The following HOMEZ variants were observed in gnomAD, a reference collection of about 807,000 sequenced individuals.
HOMEZ encodes homeobox and leucine zipper encoding, also known as homeobox and leucine zipper protein Homez.
A neutral mutation model predicts 50.1 loss-of-function variants in HOMEZ; 20 were observed. The ratio of observed to expected loss-of-function variants is 0.40; its 90% CI spans 0.28 to 0.58. The LOEUF (loss-of-function observed/expected upper bound fraction) is 0.58, where lower values mean the gene tolerates loss of function less well. Ranked by LOEUF, HOMEZ falls within the 20% of genes least tolerant of loss-of-function variation. The pLI is 0.46. For synonymous variants in HOMEZ, 239 were observed against 254.7 expected, an observed-to-expected ratio of 0.94 and a Z score of 0.59; for missense variants, 579 against 680.5, an observed-to-expected ratio of 0.85 and a Z score of 1.66.
chr14:23,280,740 A>ATTATT (rs1277086572), intron 1 of HOMEZ, among the ~76,000 whole-genome samples: 4,327 of 41,232 alleles, frequency 0.1, 773 homozygotes, highest in Non-Finnish European at 0.16. Context: ...ATTTTATTTT[A>ATTATT]TTATTTTATT....
Position 23,286,002 on chromosome 14 carries a change from G to A in HOMEZ, c.-50C>T. The A allele has an allele frequency of 8.1e-7, 1 of 1,234,816 alleles. No individual in the cohort carries two copies. 76.5% of individuals were successfully genotyped at this position (1,234,816 alleles called of 1,614,324 possible). On this transcript the variant is annotated 5_prime_UTR_variant, in exon 1 of 2. Transcript: ENST00000357460. ...GGCAGGGGGCCTCCGAGTGGGAGTG[G>A]GGTTGCTGCCCGGTGCGGCCGCTCC...
In HOMEZ at chr14:23,272,801, AC is replaced by A. The variant is rs1408542133; in HGVS notation, c.*2773del. 1.3e-6 allele frequency: 2 copies of A among 1,524,704 alleles called. No homozygotes were observed. The highest frequency in any genetic ancestry group is 2.8e-5 in the African/African-American group (2 of 72,492). The allele number at this position is 1,524,704 out of a possible 1,614,324, so 94.4% of individuals were successfully genotyped here. A position where few individuals can be genotyped will look rare whatever the true frequency, so the allele number is the denominator to read the frequency against. ...TTTGCTGTTATAAACACCCACATCT[AC>A]CTTCTTGTCCTCTGCTGCAGACTCT... On this transcript the variant is annotated 3_prime_UTR_variant, in exon 2 of 2. Transcript: ENST00000357460.
At chr14:23,279,101 A>G (rs1471193386) in intron 1 of HOMEZ, among the ~76,000 whole-genome samples, 1 of 152,122 alleles carries the variant, frequency 6.6e-6, no homozygotes, top group Non-Finnish European at 1.5e-5. Flanking sequence ...CTCCTGCCTC[A>G]GCCTCCTGAG....
At chr14:23,280,748 ATTTTATT>A (rs1886521609) in intron 1 of HOMEZ, among the ~76,000 whole-genome samples, 1 of 87,120 alleles carries the variant, frequency 1.1e-5, no homozygotes, top group East Asian at 3.3e-4. Flanking sequence ...TTATTATTTT[ATTTTATT>A]TTATTTTATT....
chr14:23,276,937 C>T lies in HOMEZ; in HGVS notation c.291G>A (p.Glu97=), dbSNP rs1453197906. Residue 97 remains glutamate (E), a synonymous_variant, in exon 2 of 2, where the codon GAG becomes GAA. Coordinates refer to ENST00000357460, the MANE Select transcript of HOMEZ (RefSeq NM_020834.3). This position sits in a 1 kb window ranked among gnomAD's most constrained non-coding sequence, Gnocchi z 4.1. ...LLCLRYGLQM[E]KVKTWFMAQR... is the part of the protein sequence containing the mutation. ...GGGCCATAAACCAAGTCTTGACTTT[C>T]TCCATCTGCAACCCATAACGTAGGC... 1.9e-6 allele frequency: 3 copies of T among 1,613,968 alleles called. No individual in the cohort carries two copies. The South Asian group carries it at 3.3e-5, about 18-fold the overall frequency.
Position 23,286,023 on chromosome 14 carries a change from G to T in HOMEZ, c.-71C>A. Reference sequence around the variant, plus strand: ...AGTGGGGTTGCTGCCCGGTGCGGCCGCTCCGAGCCCACCCCAGCGATGGCC... The same window carrying T: ...AGTGGGGTTGCTGCCCGGTGCGGCCTCTCCGAGCCCACCCCAGCGATGGCC... On this transcript the variant is annotated 5_prime_UTR_variant, in exon 1 of 2. Coordinates refer to ENST00000357460, the MANE Select transcript of HOMEZ (RefSeq NM_020834.3). 2 of 1,232,968 alleles carry T rather than the reference G, an allele frequency of 1.6e-6. No individual in the cohort carries two copies. Among genetic ancestry groups the T allele is most frequent in the Non-Finnish European group, 2.0e-6 (2 of 987,112 alleles). 76.4% of individuals were successfully genotyped at this position (1,232,968 alleles called of 1,614,324 possible).
rs1886307745 is a variant in HOMEZ at position 23,274,948 on chromosome 14, T to C, written c.*627A>G. ...CTGAAAAATTCTGCCACCTGTGATTTAGTCATGAAGCGGGTGAAACATAGT... is the reference window on the plus strand; with the variant it reads ...CTGAAAAATTCTGCCACCTGTGATTCAGTCATGAAGCGGGTGAAACATAGT... On this transcript the variant is annotated 3_prime_UTR_variant, in exon 2 of 2. Coordinates refer to ENST00000357460, the MANE Select transcript of HOMEZ (RefSeq NM_020834.3). 6.6e-6 allele frequency: 1 copy of C among 152,122 alleles called. No homozygotes were observed. Among genetic ancestry groups the C allele is most frequent in the South Asian group, 2.1e-4 (1 of 4,826 alleles). 9.4% of individuals were successfully genotyped at this position (152,122 alleles called of 1,614,324 possible).
At chr14:23,277,735 G>C (rs547016061) in intron 1 of HOMEZ, among the ~76,000 whole-genome samples, 2 of 119,426 alleles carry the variant, frequency 1.7e-5, no homozygotes, top group East Asian at 4.3e-4. Flanking sequence ...GATAGAGTGA[G>C]ACCCTATCAA....
intron 1 of HOMEZ, among the ~76,000 whole-genome samples, chr14:23,280,562 A>G (rs1186580929): frequency 6.6e-6 from 1 of 151,792 alleles, no homozygotes; most frequent in Non-Finnish European, 1.5e-5. Context: ...TCCTGAAATA[A>G]CTGCTCAAGT....
chr14:23,279,999 A>G (rs1219219980), intron 1 of HOMEZ, among the ~76,000 whole-genome samples: 2 of 152,092 alleles, frequency 1.3e-5, no homozygotes, highest in Non-Finnish European at 2.9e-5. Flanking sequence ...GTGGATCAAC[A>G]GATTGGGAAT....
At position 23,276,666 on chromosome 14, in the gene HOMEZ, G is replaced by T; in HGVS notation, c.562C>A (p.Pro188Thr). The T allele has an allele frequency of 6.2e-7, 1 of 1,614,014 alleles. No homozygotes were observed. The highest frequency in any genetic ancestry group is 8.5e-7 in the Non-Finnish European group (1 of 1,179,896). The stretch of plus-strand genomic sequence containing the variant: ...TGTGGCAGTGGTGGCATCTGAGAGG[G>T]CTCCTCAGGCTCTACCTTCAATCCT... ...TKGLKVEPEE[P>T]SQMPPLPQSH... The change falls in exon 2 of 2, where the codon CCC becomes ACC. Residue 188 changes from proline to threonine, a missense_variant. Physicochemically the swap from Pro to Thr is conservative, Grantham distance 38. Transcript: ENST00000357460. The surrounding 1 kb of genome is among the most constrained non-coding windows in gnomAD (Gnocchi z 4.1).
Position 23,276,373 on chromosome 14 carries a change from A to G in HOMEZ, c.855T>C (p.Ser285=). 2 of 1,614,048 alleles carry G rather than the reference A, an allele frequency of 1.2e-6. No homozygotes were observed. The highest frequency in any genetic ancestry group is 1.7e-6 in the Non-Finnish European group (2 of 1,179,884). The part of the protein sequence containing the change: ...EESASSVTPS[S]SSTSSSFQVL... ...CCTGGAAAGAAGAAGAGGTAGAGGA[A>G]GAAGAGGGAGTAACACTAGATGCTG... Residue 285 remains serine, a synonymous_variant, in exon 2 of 2, where the codon TCT becomes TCC. Coordinates refer to ENST00000357460, the MANE Select transcript of HOMEZ (RefSeq NM_020834.3). This position sits in a 1 kb window ranked among gnomAD's most constrained non-coding sequence, Gnocchi z 4.1.
At chr14:23,277,743 C>CAA (rs56248624) in intron 1 of HOMEZ, among the ~76,000 whole-genome samples, 9,295 of 132,318 alleles carry the variant, frequency 0.07, 1,049 homozygotes, top group African/African-American at 0.24. Flanking sequence ...GAGACCCTAT[C>CAA]AAAAAAAAAA....
chr14:23,276,504 C>T lies in HOMEZ; in HGVS notation c.724G>A (p.Gly242Ser), dbSNP rs528684541. The T allele has an allele frequency of 8.1e-6, 13 of 1,614,000 alleles. No individual in the cohort carries two copies. The African/African-American group carries it at 1.7e-4, about 22-fold the overall frequency. Reference protein sequence around the residue: ...QAGRGPNQSHGIGTASWNHST... With the variant: ...QAGRGPNQSHSIGTASWNHST... Reference sequence around the variant, plus strand: ...TGGTTCCAGGAAGCAGTACCTATGCCATGTGACTGGTTGGGACCCCTGCCT... The same window carrying T: ...TGGTTCCAGGAAGCAGTACCTATGCTATGTGACTGGTTGGGACCCCTGCCT... The change falls in exon 2 of 2, where the codon GGC (glycine) becomes AGC (serine). Residue 242 changes from glycine to serine, a missense_variant. Physicochemically the swap from Gly to Ser is moderately conservative, Grantham distance 56. Transcript: ENST00000357460. The surrounding 1 kb of genome is among the most constrained non-coding windows in gnomAD (Gnocchi z 4.1).
chr14:23,277,347 C>A (rs939201005), intron 1 of HOMEZ, among the ~76,000 whole-genome samples, 160 bp from the exon 2 acceptor site: 8 of 152,204 alleles, frequency 5.3e-5, no homozygotes, highest in Non-Finnish European at 8.8e-5. Context: ...ATTTAATTTT[C>A]ATAAACTTAA....
Position 23,286,034 on chromosome 14 carries a change from AC to A in HOMEZ, c.-83del. The stretch of plus-strand genomic sequence containing the variant: ...TGCCCGGTGCGGCCGCTCCGAGCCC[AC>A]CCCAGCGATGGCCGAAACCGGGACT... On this transcript the variant is annotated 5_prime_UTR_variant, in exon 1 of 2. Transcript: ENST00000357460. 1 of 1,232,102 alleles carries A rather than the reference AC, an allele frequency of 8.1e-7. No individual in the cohort carries two copies. The allele number at this position is 1,232,102 out of a possible 1,614,324, so 76.3% of individuals were successfully genotyped here. A position where few individuals can be genotyped will look rare whatever the true frequency, so the allele number is the denominator to read the frequency against.
chr14:23,280,763 ATTTTATTTTATT>A (rs1886528822), intron 1 of HOMEZ, among the ~76,000 whole-genome samples: 3 of 86,016 alleles, frequency 3.5e-5, no homozygotes, highest in East Asian at 2.9e-4. Flanking sequence ...ATTTTATTTT[ATTTTATTTTATT>A]TTATTTTATT....
At chr14:23,285,141 T>C (rs968249488) in intron 1 of HOMEZ, 3 of 152,190 alleles carry the variant, frequency 2.0e-5, no homozygotes, top group Non-Finnish European at 2.9e-5. Flanking sequence ...GTTTAAGATA[T>C]GTATGCATTA....
In HOMEZ at chr14:23,272,883, T is replaced by C. The variant is rs1272068158; in HGVS notation, c.*2692A>G. ...CAGTGGGAGAGAAGCATGGACCACT[T>C]CTAGATAGATCATCTTCAAGATCTG... On this transcript the variant is annotated 3_prime_UTR_variant, in exon 2 of 2. Transcript: ENST00000357460. 5 of 1,529,732 alleles carry C rather than the reference T, an allele frequency of 3.3e-6. No homozygotes were observed. The highest frequency in any genetic ancestry group is 4.4e-6 in the Non-Finnish European group (5 of 1,132,386). The allele number at this position is 1,529,732 out of a possible 1,614,324, so 94.8% of individuals were successfully genotyped here.
Sources: allele counts gnomAD v4.1 joint callset (sites outside exome capture counted in the v4.1 genomes callset), GRCh38; gene constraint gnomAD v4.1.1; non-coding constraint Gnocchi (gnomAD v3.1); transcripts MANE v1.5; gene names NCBI Gene and HGNC (gene_info 2026-07-23, HGNC 2026-07-21).